ITPR2: variants seen among roughly 807,000 people sequenced by gnomAD.
ITPR2 encodes inositol 1,4,5-trisphosphate receptor type 2.
ITPR2 carries 207 observed loss-of-function variants against 317.1 expected under a neutral mutation model. That is an observed-to-expected ratio of 0.65 (90% CI 0.58 to 0.73). The LOEUF (loss-of-function observed/expected upper bound fraction) is 0.73. ITPR2 is among the 30% of genes least tolerant of loss of function. The probability of loss-of-function intolerance (pLI) is 0.00; values close to 1 mark genes in which losing one functional copy is unlikely to be tolerated. For missense variants in ITPR2, 2,613 were observed against 3,284.0 expected (o/e 0.80, Z 4.99); for synonymous variants, 1,156 against 1,149.1 (o/e 1.01, Z -0.12).
rs539202967 is a variant in ITPR2, at chr12:26,686,591, T to G, written c.1038A>C (p.Ala346=). Residue 346 remains alanine, a synonymous_variant, in exon 11 of 57, where the codon GCA becomes GCC. Transcript: ENST00000381340. ...VPPTSKKKRQ[A]GEKIMYTLVS... The stretch of plus-strand genomic sequence containing the variant: ...CCAAAGTATACATGATCTTCTCCCC[T>G]GCCTGGCGTTTTTTCTTTGAAGTTG... The G allele has an allele frequency of 1.2e-5, 20 of 1,611,654 alleles. No homozygotes were observed. The African/African-American group carries it at 1.9e-4, about 15-fold the overall frequency.
chr12:26,695,784 A>G, intron 9 of ITPR2, 134 bp from the exon 10 acceptor site: 2 of 634,894 alleles, frequency 3.2e-6, no homozygotes, highest in Admixed American at 2.8e-5. Flanking sequence ...AGAAACTATT[A>G]GTAAATATGA....
intron 2 of ITPR2, among the ~76,000 whole-genome samples, chr12:26,774,388 C>T (rs1424867531): frequency 6.6e-6 from 1 of 152,112 alleles, no homozygotes; most frequent in Non-Finnish European, 1.5e-5. Flanking sequence ...CCTCTAATTC[C>T]AGCACTTTGG....
In ITPR2 at chr12:26,507,447, C is replaced by T. The variant is rs560803699; in HGVS notation, c.5074-12187G>A. 3.2e-4 allele frequency among the ~76,000 whole-genome samples: 48 copies of T among 152,184 alleles called. No individual in the cohort carries two copies. The South Asian group carries it at 4.8e-3, about 15-fold the overall frequency. ...CAGTTTGATTCCCTGTGGCATACAC[C>T]GTGATAGATATTTCACTACTTTAAT... On this transcript the variant is annotated intron_variant, in intron 37 of 56. Coordinates refer to ENST00000381340, the MANE Select transcript of ITPR2 (RefSeq NM_002223.4).
At chr12:26,519,192 A>T (rs1346495040) in intron 37 of ITPR2, among the ~76,000 whole-genome samples, 1 of 152,198 alleles carries the variant, frequency 6.6e-6, no homozygotes, top group Non-Finnish European at 1.5e-5. Context: ...AAATAAATAA[A>T]AAACTAACAA....
intron 49 of ITPR2, among the ~76,000 whole-genome samples, chr12:26,422,137 A>T (rs1042533488): frequency 1.3e-4 from 19 of 150,318 alleles, no homozygotes; most frequent in Non-Finnish European, 2.7e-4. Flanking sequence ...TTTACTAATT[A>T]TTTACTAAAT....
chr12:26,737,503 TC>T (rs954945284), intron 2 of ITPR2, among the ~76,000 whole-genome samples: 2 of 152,148 alleles, frequency 1.3e-5, no homozygotes, highest in African/African-American at 4.8e-5. Context: ...TCTGCCCACC[TC>T]GGCCTCCTAA....
intron 37 of ITPR2, among the ~76,000 whole-genome samples, chr12:26,544,597 GACACACAGAC>G (rs1944344514): frequency 1.3e-5 from 1 of 74,660 alleles, no homozygotes; most frequent in Non-Finnish European, 4.2e-5. Context: ...AACACACAGA[GACACACAGAC>G]ACACACACAC....
chr12:26,706,057 C>G (rs1948544466), intron 9 of ITPR2, among the ~76,000 whole-genome samples: 1 of 152,166 alleles, frequency 6.6e-6, no homozygotes, highest in Non-Finnish European at 1.5e-5. Context: ...CTCACTGCCT[C>G]TAGATTCAAT....
At chr12:26,557,439 C>T (rs1944694019) in intron 35 of ITPR2, among the ~76,000 whole-genome samples, 1 of 152,198 alleles carries the variant, frequency 6.6e-6, no homozygotes, top group Admixed American at 6.5e-5. Flanking sequence ...GCGACACAGT[C>T]CCAGTCAATG....
chr12:26,537,928 C>A (rs1944143327), intron 37 of ITPR2, among the ~76,000 whole-genome samples: 3 of 152,164 alleles, frequency 2.0e-5, no homozygotes, highest in African/African-American at 7.2e-5. Flanking sequence ...TATGCAGGAA[C>A]CAGGCCTACT....
At chr12:26,497,554 G>C (rs996472791) in intron 37 of ITPR2, among the ~76,000 whole-genome samples, 4 of 44,138 alleles carry the variant, frequency 9.1e-5, no homozygotes, top group African/African-American at 2.6e-4. Flanking sequence ...ACAATGAGAT[G>C]AATGCAATAT....
At chr12:26,694,181 A>G (rs1428327859) in intron 10 of ITPR2, among the ~76,000 whole-genome samples, 1 of 152,214 alleles carries the variant, frequency 6.6e-6, no homozygotes, top group Non-Finnish European at 1.5e-5. Flanking sequence ...GAATGTCATC[A>G]GACAAGGCCA....
chr12:26,658,164 G>T, intron 16 of ITPR2, 34 bp from the exon 17 acceptor site: 1 of 1,436,332 alleles, frequency 7.0e-7, no homozygotes, highest in Non-Finnish European at 9.3e-7. Flanking sequence ...GGAATATGAA[G>T]ACAAAGCATT....
chr12:26,557,481 G>C (rs142692343), intron 35 of ITPR2, among the ~76,000 whole-genome samples: 1 of 152,296 alleles, frequency 6.6e-6, no homozygotes, highest in Non-Finnish European at 1.5e-5. Flanking sequence ...GAGAGAGCAG[G>C]GTACATGTGG....
intron 40 of ITPR2, chr12:26,486,748 G>A (rs1457810596): frequency 3.5e-6 from 2 of 564,512 alleles, no homozygotes; most frequent in East Asian, 8.5e-5. Flanking sequence ...GGAGTTTGGT[G>A]TGGTAATTTC....
At chr12:26,397,652 C>T (rs1373207162) in intron 54 of ITPR2, among the ~76,000 whole-genome samples, 1 of 152,144 alleles carries the variant, frequency 6.6e-6, no homozygotes. Context: ...GATACACCTA[C>T]AACTGTTGGA....
chr12:26,621,508 G>A (rs1198915876), intron 25 of ITPR2, among the ~76,000 whole-genome samples: 4 of 152,074 alleles, frequency 2.6e-5, no homozygotes, highest in Non-Finnish European at 4.4e-5. Flanking sequence ...TAATTTCACT[G>A]CTGAAGTTAA....
At chr12:26,417,471 G>C (rs1940756660) in intron 50 of ITPR2, among the ~76,000 whole-genome samples, 1 of 152,164 alleles carries the variant, frequency 6.6e-6, no homozygotes, top group Non-Finnish European at 1.5e-5. Flanking sequence ...GGATCATGGG[G>C]GTGGTTTCCC....
intron 52 of ITPR2, among the ~76,000 whole-genome samples, chr12:26,409,046 G>A (rs1310014012): frequency 2.0e-5 from 3 of 152,170 alleles, no homozygotes; most frequent in Admixed American, 1.3e-4. Flanking sequence ...TTTTCAAAAT[G>A]TCTCTTTTTA....
Sources: gnomAD v4.1 joint callset for allele counts (sites outside exome capture counted in the v4.1 genomes callset) on GRCh38, gnomAD v4.1.1 for gene constraint, MANE v1.5 for transcripts, NCBI Gene and HGNC (gene_info 2026-07-23, HGNC 2026-07-21) for gene names.